The following TSC1 variants were observed in gnomAD, a reference collection of about 807,000 sequenced individuals.
TSC1 encodes the protein TSC complex subunit 1.
Under a neutral mutation model 124.3 loss-of-function variants are expected in TSC1, and 20 were observed. That is an observed-to-expected ratio of 0.16 (90% CI 0.11 to 0.23). The LOEUF (loss-of-function observed/expected upper bound fraction) is 0.23. Ranked by LOEUF, TSC1 falls within the 10% of genes least tolerant of loss-of-function variation. The pLI is 1.00. For missense variants in TSC1, 1,124 were observed against 1,448.5 expected (o/e 0.78, Z 3.64); for synonymous variants, 493 against 539.1 (o/e 0.91, Z 1.19).
rs1846260065 is a variant in TSC1, at chr9:132,916,091, C to T, written c.738-3634G>A. Among the ~76,000 whole-genome samples the T allele has an allele frequency of 2.6e-5, 4 of 151,998 alleles. No individual in the cohort carries two copies. In the South Asian group the frequency reaches 8.3e-4, roughly 32 times the overall value. The stretch of plus-strand genomic sequence containing the variant: ...GTAATTTATGCACTTACAGTATTTC[C>T]CTGCTTCTTAAAAGGACTTTTCATA... On this transcript the variant is annotated intron_variant, in intron 8 of 22. Transcript: ENST00000298552.
chr9:132,913,403 T>G (rs761741168), intron 8 of TSC1, among the ~76,000 whole-genome samples: 76 of 152,212 alleles, frequency 5.0e-4, no homozygotes, highest in Non-Finnish European at 9.0e-4. Context: ...CCCCACTTCT[T>G]GCAACTATCG....
At chr9:132,925,778 T>C (rs1351909679) in intron 4 of TSC1, 39 bp from the exon 5 acceptor site, 7 of 1,612,760 alleles carry the variant, frequency 4.3e-6, no homozygotes, top group East Asian at 2.2e-5. Flanking sequence ...CTCACATGAA[T>C]GTATGAAGTT....
At position 132,892,399 on chromosome 9, in the gene TSC1, C is replaced by T. The variant is rs572231078; in HGVS notation, c.*3836G>A. On this transcript the variant is annotated 3_prime_UTR_variant, in exon 23 of 23. Coordinates refer to ENST00000298552, the MANE Select transcript of TSC1 (RefSeq NM_000368.5). ...GGATACATTTTTCCAATACTTGTTG[C>T]GGGTCGGTTTTAAAGCATGTACCCT... 3.0e-5 allele frequency: 7 copies of T among 233,304 alleles called. No homozygotes were observed. Among genetic ancestry groups the T allele is most frequent in the Admixed American group, 5.6e-5 (1 of 17,800 alleles). The allele number at this position is 233,304 out of a possible 1,614,324, so 14.5% of individuals were successfully genotyped here.
At chr9:132,938,793 G>A (rs1847594099) in intron 1 of TSC1, among the ~76,000 whole-genome samples, 1 of 152,122 alleles carries the variant, frequency 6.6e-6, no homozygotes, top group Non-Finnish European at 1.5e-5. Context: ...GATGTCTTTA[G>A]AATGGATTTA....
At chr9:132,898,418 A>G (rs1588292957) in intron 20 of TSC1, among the ~76,000 whole-genome samples, 1 of 152,224 alleles carries the variant, frequency 6.6e-6, no homozygotes, top group Non-Finnish European at 1.5e-5. Flanking sequence ...AACTTGCCAT[A>G]TATTTGTTTT....
chr9:132,923,532 ACT>A lies in TSC1; in HGVS notation c.364-42_364-41del. 1 of 1,613,716 alleles carries A rather than the reference ACT, an allele frequency of 6.2e-7. No homozygotes were observed. The highest frequency in any genetic ancestry group is 8.5e-7 in the Non-Finnish European group (1 of 1,179,750). On this transcript the variant is annotated intron_variant, in intron 5 of 22. Coordinates refer to ENST00000298552, the MANE Select transcript of TSC1 (RefSeq NM_000368.5). This position sits in a 1 kb window ranked among gnomAD's most constrained non-coding sequence, Gnocchi z 4.2. ...GTCAAACAGGAAACGTCTGTCAGGC[ACT>A]GGCACCAGGATCGGCATTGTACAGT...
In TSC1 at chr9:132,893,345, T is replaced by G. The variant is rs946784136; in HGVS notation, c.*2890A>C. ...GACCTTCCTACCTTTGGGTTTGTTTTTTTTCTATTCATGACCACGTGTTTC... is the reference window on the plus strand; with the variant it reads ...GACCTTCCTACCTTTGGGTTTGTTTGTTTTCTATTCATGACCACGTGTTTC... On this transcript the variant is annotated 3_prime_UTR_variant, in exon 23 of 23. Transcript: ENST00000298552. 4.3e-6 allele frequency: 1 copy of G among 233,228 alleles called. No individual in the cohort carries two copies. The highest frequency in any genetic ancestry group is 8.5e-6 in the Non-Finnish European group (1 of 118,078). 14.4% of individuals were successfully genotyped at this position (233,228 alleles called of 1,614,324 possible). A position where few individuals can be genotyped will look rare whatever the true frequency, so the allele number is the denominator to read the frequency against.
intron 8 of TSC1, among the ~76,000 whole-genome samples, chr9:132,914,596 T>A (rs948579450): frequency 1.5e-4 from 22 of 151,464 alleles, no homozygotes; most frequent in Non-Finnish European, 4.4e-5. Context: ...TGGTGGCTCG[T>A]ACCTGTAATC....
rs1845105082 is a variant in TSC1, at chr9:132,896,968, G to A, written c.2976-214C>T. On this transcript the variant is annotated intron_variant, in intron 22 of 22. Coordinates refer to ENST00000298552, the MANE Select transcript of TSC1 (RefSeq NM_000368.5). This position sits in a 1 kb window ranked among gnomAD's most constrained non-coding sequence, Gnocchi z 4.5. ...AATCTTAAGTGTGAACACTTCCTGT[G>A]GCCATATGGAGGGACTCAAGGCCAG... Among the ~76,000 whole-genome samples, 2 of 152,168 alleles carry A rather than the reference G, an allele frequency of 1.3e-5. No homozygotes were observed. The highest frequency in any genetic ancestry group is 4.8e-5 in the African/African-American group (2 of 41,426).
In TSC1 at chr9:132,897,060, G is replaced by C. The variant is rs529920506; in HGVS notation, c.2975+124C>G. 59 of 1,484,188 alleles carry C rather than the reference G, an allele frequency of 4.0e-5. No homozygotes were observed. In the African/African-American group the frequency reaches 6.9e-4, roughly 17 times the overall value. The allele number at this position is 1,484,188 out of a possible 1,614,324, so 91.9% of individuals were successfully genotyped here. A position where few individuals can be genotyped will look rare whatever the true frequency, so the allele number is the denominator to read the frequency against. ...GAACGTCAGAGTGGGTCTCTGACAC[G>C]GAGTGAGCTGAGTGTTGCAGCCTGT... is the stretch of plus-strand genomic sequence containing the variant. On this transcript the variant is annotated intron_variant, in intron 22 of 22. Coordinates refer to ENST00000298552, the MANE Select transcript of TSC1 (RefSeq NM_000368.5).
chr9:132,938,633 T>C (rs955398874), intron 1 of TSC1, among the ~76,000 whole-genome samples: 1 of 152,224 alleles, frequency 6.6e-6, no homozygotes, highest in African/African-American at 2.4e-5. Flanking sequence ...ACACATGAAC[T>C]CTAGCCTAAC....
At chr9:132,944,707 G>A (rs374151059), upstream of TSC1, 37 of 398,496 alleles carry the variant, frequency 9.3e-5, no homozygotes, top group African/African-American at 7.4e-4. Context: ...CTTCTCGAAA[G>A]GAAGGATAGA....
rs765033133 is a variant in TSC1 at position 132,896,787 on chromosome 9, G to T, written c.2976-33C>A. Reference sequence around the variant, plus strand: ...AAAGCCGGGGAGGAAAAAAGGAGCTGGTGATTGGACTGTCCACATTCGGAG... The same window carrying T: ...AAAGCCGGGGAGGAAAAAAGGAGCTTGTGATTGGACTGTCCACATTCGGAG... On this transcript the variant is annotated intron_variant, in intron 22 of 22. Transcript: ENST00000298552. This position sits in a 1 kb window ranked among gnomAD's most constrained non-coding sequence, Gnocchi z 4.5. The T allele has an allele frequency of 2.5e-6, 4 of 1,613,324 alleles. No homozygotes were observed. In the East Asian group the frequency reaches 8.9e-5, roughly 36 times the overall value.
intron 1 of TSC1, chr9:132,942,353 G>C (rs917622374): frequency 2.0e-5 from 3 of 152,226 alleles, no homozygotes; most frequent in African/African-American, 7.2e-5. Context: ...ACCTAGTATA[G>C]TGCCAAATAT....
rs1181818218 is a variant in TSC1 at position 132,895,574 on chromosome 9, C to T, written c.*661G>A. 4.3e-6 allele frequency: 1 copy of T among 234,592 alleles called. No individual in the cohort carries two copies. The highest frequency in any genetic ancestry group is 2.2e-5 in the African/African-American group (1 of 45,358). 14.5% of individuals were successfully genotyped at this position (234,592 alleles called of 1,614,324 possible). On this transcript the variant is annotated 3_prime_UTR_variant, in exon 23 of 23. Transcript: ENST00000298552. ...GTGTGTGGTCTCCACAGTGCCAGCT[C>T]CAGATTTCTGAAACAGGCTTCTGTT...
Position 132,897,503 on chromosome 9 carries a change from T to C in TSC1, c.2733A>G (p.Glu911=). 1 of 1,613,958 alleles carries C rather than the reference T, an allele frequency of 6.2e-7. No individual in the cohort carries two copies. The highest frequency in any genetic ancestry group is 8.5e-7 in the Non-Finnish European group (1 of 1,180,006). Residue 911 remains glutamate, a synonymous_variant, in exon 21 of 23, where the codon GAA becomes GAG. Transcript: ENST00000298552. ...RLDTSQKRIL[E]LESHLAKKDH... ...CTTTCTTGGCCAGGTGAGATTCCAG[T>C]TCCAAAATCCGTTTTTGGGAGGTAT...
At chr9:132,912,941 C>CTT (rs574327483) in intron 8 of TSC1, 73 of 155,538 alleles carry the variant, frequency 4.7e-4, no homozygotes, top group South Asian at 2.6e-3. Flanking sequence ...GAATTTTTTT[C>CTT]TTTTTTTTTT....
intron 15 of TSC1, among the ~76,000 whole-genome samples, chr9:132,905,053 T>C (rs968650885): frequency 3.3e-5 from 5 of 152,176 alleles, no homozygotes; most frequent in African/African-American, 1.2e-4. Flanking sequence ...GGAAACCGTT[T>C]CTCAGCTAGA....
At position 132,925,375 on chromosome 9, in the gene TSC1, C is replaced by T. The variant is rs114057981; in HGVS notation, c.363+212G>A. On this transcript the variant is annotated intron_variant, in intron 5 of 22. Transcript: ENST00000298552. ...CCCATCTGATCGAAATTTTTCCATA[C>T]TTGCATGGACAAGGTATTCAATAGT... Among the ~76,000 whole-genome samples the T allele has an allele frequency of 1.1e-3, 175 of 152,322 alleles. 1 individual carries two copies. The highest frequency in any genetic ancestry group is 4.1e-3 in the African/African-American group (169 of 41,566).
Sources: gnomAD v4.1 joint callset for allele counts (sites outside exome capture counted in the v4.1 genomes callset) on GRCh38, gnomAD v4.1.1 for gene constraint, Gnocchi (gnomAD v3.1) non-coding constraint, MANE v1.5 for transcripts, NCBI Gene and HGNC (gene_info 2026-07-23, HGNC 2026-07-21) for gene names.